Variants in CDH13 observed in about 807,000 individuals in gnomAD.
The protein encoded by CDH13 is cadherin-13.
A neutral mutation model predicts 63.8 loss-of-function variants in CDH13; 24 were observed. The observed-to-expected ratio is 0.38, with a 90% CI of 0.27 to 0.53. CDH13 has a LOEUF of 0.53. Among genes scored for constraint, CDH13 ranks in the 20% least tolerant of loss-of-function variants. CDH13 has a pLI of 0.85. For synonymous variants in CDH13, 503 were observed against 355.3 expected, an observed-to-expected ratio of 1.42 and a Z score of -4.67; for missense variants, 1,049 against 903.1, an observed-to-expected ratio of 1.16 and a Z score of -2.07.
chr16:82,741,635 G>A (rs1229256514), intron 1 of CDH13, among the ~76,000 whole-genome samples: 1 of 152,094 alleles, frequency 6.6e-6, no homozygotes, highest in Non-Finnish European at 1.5e-5. Flanking sequence ...TTGAAAAGAA[G>A]GAGATTTTAA....
intron 5 of CDH13, among the ~76,000 whole-genome samples, chr16:83,311,909 T>C (rs900949767): frequency 6.6e-6 from 1 of 151,918 alleles, no homozygotes; most frequent in Admixed American, 6.6e-5. Flanking sequence ...ACCCCGTCTC[T>C]ACTGAAAATA....
intron 6 of CDH13, among the ~76,000 whole-genome samples, chr16:83,457,513 T>C (rs924988043): frequency 1.9e-4 from 29 of 152,152 alleles, no homozygotes; most frequent in Non-Finnish European, 8.8e-5. Context: ...AGCCCCAGCT[T>C]CAGCACATGG....
At chr16:83,790,011 C>T (rs1231025088) in intron 13 of CDH13, 2 of 152,042 alleles carry the variant, frequency 1.3e-5, no homozygotes, top group East Asian at 3.9e-4. Context: ...ATAATCACGT[C>T]ACATTCATGG....
chr16:83,371,804 G>C (rs548352797), intron 6 of CDH13, among the ~76,000 whole-genome samples: 1 of 152,192 alleles, frequency 6.6e-6, no homozygotes, highest in Non-Finnish European at 1.5e-5. Flanking sequence ...AGTGCTTCAC[G>C]AGTCTTTTCT....
intron 2 of CDH13, among the ~76,000 whole-genome samples, chr16:82,862,821 G>C (rs956675110): frequency 2.6e-5 from 4 of 152,132 alleles, no homozygotes; most frequent in South Asian, 2.1e-4. Flanking sequence ...TGCTCTCCTG[G>C]GTAACTCTCC....
chr16:82,704,161 G>T (rs541524175), intron 1 of CDH13, among the ~76,000 whole-genome samples: 4 of 152,234 alleles, frequency 2.6e-5, no homozygotes, highest in East Asian at 1.9e-4. Flanking sequence ...AAGAGGTGGG[G>T]GTGGGCATGG....
intron 1 of CDH13, among the ~76,000 whole-genome samples, chr16:82,652,750 C>T (rs1480017705): frequency 6.7e-6 from 1 of 149,140 alleles, no homozygotes; most frequent in African/African-American, 2.5e-5. Context: ...ACCTTTAAAG[C>T]CTTTTTATTT....
chr16:82,956,913 G>A (rs1201091698), intron 2 of CDH13, among the ~76,000 whole-genome samples: 1 of 152,210 alleles, frequency 6.6e-6, no homozygotes, highest in African/African-American at 2.4e-5. Context: ...GATGGTTCAG[G>A]CAGGAGCAGT....
intron 7 of CDH13, among the ~76,000 whole-genome samples, chr16:83,563,521 C>A (rs541637182): frequency 1.3e-5 from 2 of 152,212 alleles, no homozygotes; most frequent in Non-Finnish European, 2.9e-5. Flanking sequence ...ATTGGTTAAT[C>A]TGAAGTCTTT....
chr16:82,718,518 C>G (rs114496404), intron 1 of CDH13, among the ~76,000 whole-genome samples: 3,296 of 152,206 alleles, frequency 0.022, 117 homozygotes, highest in African/African-American at 0.069. Flanking sequence ...AAGTGCCAAG[C>G]CCTGAGGTAG....
At chr16:83,672,594 T>G (rs1914607499) in intron 9 of CDH13, among the ~76,000 whole-genome samples, 1 of 151,484 alleles carries the variant, frequency 6.6e-6, no homozygotes, top group South Asian at 2.1e-4. Context: ...CCAGCTAACT[T>G]TTGTATTTTC....
chr16:83,591,001 T>G (rs774244791), intron 7 of CDH13, among the ~76,000 whole-genome samples: 1 of 150,448 alleles, frequency 6.6e-6, no homozygotes, highest in South Asian at 2.1e-4. Context: ...ATCTCCACCT[T>G]CTGGTTTCAA....
chr16:83,037,074 A>G (rs1252316290), intron 3 of CDH13, among the ~76,000 whole-genome samples: 1 of 152,206 alleles, frequency 6.6e-6, no homozygotes, highest in African/African-American at 2.4e-5. Flanking sequence ...GGATAAAAAT[A>G]GTCCTTGGTG....
At chr16:83,246,454 C>T (rs928348363) in intron 5 of CDH13, among the ~76,000 whole-genome samples, 1 of 152,196 alleles carries the variant, frequency 6.6e-6, no homozygotes, top group Non-Finnish European at 1.5e-5. Context: ...GACTTCTGTA[C>T]TCCGAGAGAT....
chr16:83,577,889 T>C (rs1349717481), intron 7 of CDH13, among the ~76,000 whole-genome samples: 1 of 152,250 alleles, frequency 6.6e-6, no homozygotes, highest in Non-Finnish European at 1.5e-5. Context: ...TAATTGCTGT[T>C]AATATCTTGC....
intron 4 of CDH13, among the ~76,000 whole-genome samples, chr16:83,190,935 G>T (rs34918046): frequency 0.17 from 26,357 of 151,578 alleles, 2,532 homozygotes; most frequent in African/African-American, 0.24. Flanking sequence ...CGACTCTCCC[G>T]ACCATTTCTC....
At chr16:82,672,994 G>GTTTTATT (rs1194023626) in intron 1 of CDH13, among the ~76,000 whole-genome samples, 3 of 26,528 alleles carry the variant, frequency 1.1e-4, no homozygotes, top group Admixed American at 4.8e-4. Context: ...TTTTTATAAA[G>GTTTTATT]TTTTCTTTTT....
chr16:83,448,995 C>A (rs890659902), intron 6 of CDH13, among the ~76,000 whole-genome samples: 8 of 152,164 alleles, frequency 5.3e-5, no homozygotes, highest in African/African-American at 1.9e-4. Context: ...CTCCTAGATA[C>A]CGAATTTCCA....
intron 1 of CDH13, among the ~76,000 whole-genome samples, chr16:82,759,769 C>G (rs900233992): frequency 1.3e-5 from 2 of 152,014 alleles, no homozygotes; most frequent in African/African-American, 4.8e-5. Flanking sequence ...GGTTCTGCCT[C>G]TTGACTCACT....
Sources: gnomAD v4.1 joint callset for allele counts (sites outside exome capture counted in the v4.1 genomes callset) on GRCh38, gnomAD v4.1.1 for gene constraint, MANE v1.5 for transcripts, NCBI Gene and HGNC (gene_info 2026-07-23, HGNC 2026-07-21) for gene names.